Variants in WDR64 observed in about 807,000 individuals in gnomAD.
WDR64 encodes WD repeat domain 64.
Under a neutral mutation model 139.3 loss-of-function variants are expected in WDR64, and 112 were observed. The ratio of observed to expected loss-of-function variants is 0.80; its 90% CI spans 0.69 to 0.94. WDR64 has a LOEUF of 0.94. Among genes scored for constraint, WDR64 ranks in the 40% least tolerant of loss-of-function variants. The pLI is 0.00. For synonymous variants in WDR64, 444 were observed against 437.7 expected, an observed-to-expected ratio of 1.01 and a Z score of -0.18; for missense variants, 1,206 against 1,293.1, an observed-to-expected ratio of 0.93 and a Z score of 1.03.
intron 16 of WDR64, among the ~76,000 whole-genome samples, chr1:241,766,684 G>C (rs1658188494): frequency 6.7e-6 from 1 of 150,072 alleles, no homozygotes; most frequent in Non-Finnish European, 1.5e-5. Flanking sequence ...CTGGGTGACA[G>C]AGTGAGTGAA....
intron 15 of WDR64, among the ~76,000 whole-genome samples, chr1:241,765,824 G>A (rs1658134643): frequency 6.6e-6 from 1 of 152,116 alleles, no homozygotes; most frequent in South Asian, 2.1e-4. Flanking sequence ...ATGATAAATA[G>A]CTATCACAGG....
At chr1:241,757,238 TA>T in intron 14 of WDR64, 44 bp from the exon 15 acceptor site, 1 of 1,548,530 alleles carries the variant, frequency 6.5e-7, no homozygotes, top group Admixed American at 1.9e-5. Context: ...CAGTTCAAAA[TA>T]AAATAATTGA....
intron 1 of WDR64, among the ~76,000 whole-genome samples, chr1:241,654,536 A>T (rs965810543): frequency 6.6e-6 from 1 of 152,150 alleles, no homozygotes; most frequent in Admixed American, 6.5e-5. Flanking sequence ...GTCTTTCATC[A>T]CATCATTCTT....
rs1203396750 is a variant in WDR64 at position 241,679,555 on chromosome 1, C to T, written c.584C>T (p.Thr195Ile). The change falls in exon 6 of 28, where the codon ACC becomes ATC. Residue 195 changes from threonine (T) to isoleucine (I), a missense_variant. By Grantham distance (89) the Thr-to-Ile change is moderately conservative. Transcript: ENST00000437684. ...CGAATCGTAGCCACAACCGAAAGGA[C>T]CATTATTGTCTGGGATTATAAAGCT... Reference protein sequence around the residue: ...LKRIVATTERTIIVWDYKAQG... With the variant: ...LKRIVATTERIIIVWDYKAQG... 2 of 1,551,818 alleles carry T rather than the reference C, an allele frequency of 1.3e-6. No homozygotes were observed. The highest frequency in any genetic ancestry group is 1.7e-4 in the Middle Eastern group (1 of 5,994).
intron 5 of WDR64, among the ~76,000 whole-genome samples, chr1:241,679,268 T>G (rs1012818188): frequency 6.6e-6 from 1 of 152,152 alleles, no homozygotes; most frequent in African/African-American, 2.4e-5. Flanking sequence ...AACTGAATCA[T>G]TCTCCAGCTG....
intron 9 of WDR64, among the ~76,000 whole-genome samples, chr1:241,722,748 T>C (rs1373755818): frequency 6.6e-6 from 1 of 152,202 alleles, no homozygotes; most frequent in African/African-American, 2.4e-5. Flanking sequence ...TGCCCTTCTA[T>C]GATTTTTAGC....
chr1:241,657,334 T>A (rs1051581180), intron 1 of WDR64, among the ~76,000 whole-genome samples: 2 of 152,082 alleles, frequency 1.3e-5, no homozygotes, highest in Admixed American at 6.5e-5. Flanking sequence ...TGCTTTAAAA[T>A]TTTTTAAGGG....
In WDR64 at chr1:241,679,506, T is replaced by C. The variant is rs1666688974; in HGVS notation, c.535T>C (p.Cys179Arg). The C allele has an allele frequency of 6.4e-7, 1 of 1,551,912 alleles. No individual in the cohort carries two copies. Among genetic ancestry groups the C allele is most frequent in the Non-Finnish European group, 8.7e-7 (1 of 1,146,910 alleles). ...NVTDTSWITGCDYLLQLKRIV... is the reference protein window; with the variant it reads ...NVTDTSWITGRDYLLQLKRIV... ...TCAGGACACCTCCTGGATTACAGGG[T>C]GTGATTACCTCTTGCAGCTGAAACG... Residue 179 changes from cysteine (C) to arginine (R), a missense_variant, in exon 6 of 28, where the codon TGT (cysteine) becomes CGT (arginine). Cys to Arg is a radical substitution (Grantham distance 180). Coordinates refer to ENST00000437684, the MANE Select transcript of WDR64 (RefSeq NM_001367482.1).
intron 1 of WDR64, among the ~76,000 whole-genome samples, chr1:241,655,309 G>T (rs1665541405): frequency 6.6e-6 from 1 of 151,998 alleles, no homozygotes; most frequent in Non-Finnish European, 1.5e-5. Context: ...CTTGAACCAG[G>T]ACCCGGGAGG....
At chr1:241,690,339 C>T (rs986141727) in intron 8 of WDR64, among the ~76,000 whole-genome samples, 33 of 151,808 alleles carry the variant, frequency 2.2e-4, no homozygotes, top group Admixed American at 2.1e-3. Flanking sequence ...GGCATGGTGG[C>T]GCACACCTGT....
At chr1:241,668,116 A>G (rs1415868681) in intron 2 of WDR64, among the ~76,000 whole-genome samples, 4 of 152,208 alleles carry the variant, frequency 2.6e-5, no homozygotes, top group African/African-American at 7.2e-5. Context: ...GTGTTTTTGT[A>G]TTTTTGTTTT....
chr1:241,738,556 A>C, intron 11 of WDR64, 67 bp downstream of exon 11: 3 of 1,509,072 alleles, frequency 2.0e-6, no homozygotes, highest in Non-Finnish European at 2.7e-6. Flanking sequence ...TTAAACTAGC[A>C]CTTGAGCACT....
intron 4 of WDR64, among the ~76,000 whole-genome samples, chr1:241,675,049 T>C (rs1376258392): frequency 2.7e-5 from 2 of 74,286 alleles, no homozygotes; most frequent in Non-Finnish European, 5.4e-5. Context: ...CTTCTTTCCT[T>C]CCTTTTCTCC....
chr1:241,685,560 A>G lies in WDR64; in HGVS notation c.839+1859A>G, dbSNP rs1666971981. ...ATTTTATTTGTTTTCTAAATTTTGT[A>G]CAATGAACATTTTTTCCTTATAAAG... On this transcript the variant is annotated intron_variant, in intron 7 of 27. Transcript: ENST00000437684. 2.0e-5 allele frequency among the ~76,000 whole-genome samples: 3 copies of G among 152,182 alleles called. No individual in the cohort carries two copies. The South Asian group carries it at 6.2e-4, about 32-fold the overall frequency.
intron 1 of WDR64, among the ~76,000 whole-genome samples, chr1:241,655,449 A>G (rs1301478694): frequency 6.6e-6 from 1 of 152,164 alleles, no homozygotes; most frequent in Non-Finnish European, 1.5e-5. Context: ...ACTTCTGCCA[A>G]GAGTTTTTCA....
chr1:241,745,144 G>C (rs909764555), intron 13 of WDR64, among the ~76,000 whole-genome samples: 24 of 152,118 alleles, frequency 1.6e-4, no homozygotes, highest in African/African-American at 5.3e-4. Flanking sequence ...CATACTAAAT[G>C]AAAGAACTGC....
At chr1:241,708,215 T>C (rs1372703524) in intron 8 of WDR64, among the ~76,000 whole-genome samples, 1 of 152,270 alleles carries the variant, frequency 6.6e-6, no homozygotes, top group African/African-American at 2.4e-5. Context: ...TTTAAATTAT[T>C]ATCTCATTAT....
At chr1:241,771,734 C>T (rs1449279502) in intron 19 of WDR64, 37 bp downstream of exon 19, 11 of 1,383,304 alleles carry the variant, frequency 8.0e-6, no homozygotes, top group African/African-American at 1.5e-5. Context: ...TATAATAAAG[C>T]AACTCCTTTG....
chr1:241,658,846 T>G (rs1665714220), intron 1 of WDR64, among the ~76,000 whole-genome samples: 1 of 152,082 alleles, frequency 6.6e-6, no homozygotes, highest in East Asian at 1.9e-4. Context: ...AAATATTTTC[T>G]TCTTATTTAG....
Sources: gnomAD v4.1 joint callset for allele counts (sites outside exome capture counted in the v4.1 genomes callset) on GRCh38, gnomAD v4.1.1 for gene constraint, MANE v1.5 for transcripts, NCBI Gene and HGNC (gene_info 2026-07-23, HGNC 2026-07-21) for gene names.